The following ANKRD24 variants were observed in gnomAD, a reference collection of about 807,000 sequenced individuals.
The protein encoded by ANKRD24 is ankyrin repeat domain-containing protein 24.
ANKRD24 carries 109 observed loss-of-function variants against 127.8 expected under a neutral mutation model. That is an observed-to-expected ratio of 0.85 (90% CI 0.73 to 1.00). ANKRD24 has a LOEUF of 1.00. Ranked by LOEUF, ANKRD24 falls within the 50% of genes least tolerant of loss-of-function variation. ANKRD24 has a pLI of 0.00. For synonymous variants in ANKRD24, 743 were observed against 671.1 expected (o/e 1.11, Z -1.66); for missense variants, 1,648 against 1,570.2 (o/e 1.05, Z -0.84).
Position 4,224,474 on chromosome 19 carries a change from A to T in ANKRD24, c.3410A>T (p.Gln1137Leu). The change falls in exon 22 of 22, where the codon CAG (glutamine) becomes CTG (leucine). Residue 1137 changes from glutamine to leucine, a missense_variant. By Grantham distance (113) the Gln-to-Leu change is moderately radical. Coordinates refer to ENST00000318934, the MANE Select transcript of ANKRD24 (RefSeq NM_001393985.1). ...CAGCGGATTCTCAGCCAGATTCTGC[A>T]GATGCAGAGACTCCAGGCTCAGGGC... ...DVQRILSQILQMQRLQAQGR is the reference protein window; with the variant it reads ...DVQRILSQILLMQRLQAQGR 4.3e-6 allele frequency: 7 copies of T among 1,612,416 alleles called. No homozygotes were observed. Among genetic ancestry groups the T allele is most frequent in the Non-Finnish European group, 5.9e-6 (7 of 1,179,340 alleles).
chr19:4,215,587 C>T (rs1970011139), intron 15 of ANKRD24, among the ~76,000 whole-genome samples: 1 of 133,114 alleles, frequency 7.5e-6, no homozygotes, highest in Admixed American at 8.3e-5. Context: ...GGCGACGTGA[C>T]GAGACCGCAT....
intron 13 of ANKRD24, among the ~76,000 whole-genome samples, chr19:4,212,075 C>T (rs1052997538): frequency 6.6e-6 from 1 of 152,088 alleles, no homozygotes; most frequent in Non-Finnish European, 1.5e-5. Flanking sequence ...TGGCGGGCGC[C>T]TGTAGTCCCA....
At chr19:4,197,698 CAAAT>C (rs1968828344) in intron 2 of ANKRD24, among the ~76,000 whole-genome samples, 3 of 151,608 alleles carry the variant, frequency 2.0e-5, no homozygotes, top group Admixed American at 6.6e-5. Flanking sequence ...AATGGGTGAA[CAAAT>C]GAATGAGTGA....
rs1240676935 is a variant in ANKRD24 at position 4,217,551 on chromosome 19, C to T, written c.2391C>T (p.Asp797=). The T allele has an allele frequency of 7.6e-6, 10 of 1,321,618 alleles. No individual in the cohort carries two copies. In the South Asian group the frequency reaches 9.9e-5, roughly 13 times the overall value. The allele number at this position is 1,321,618 out of a possible 1,614,324, so 81.9% of individuals were successfully genotyped here. Residue 797 remains aspartate, a synonymous_variant, in exon 18 of 22, where the codon GAC becomes GAT. Transcript: ENST00000318934. ...CGGCCCTGGAGCAGGCCCGGGAGGACCTCCGAGACCGGGACTCCCGCCTGC... is the reference window on the plus strand; with the variant it reads ...CGGCCCTGGAGCAGGCCCGGGAGGATCTCCGAGACCGGGACTCCCGCCTGC... ...LRAALEQARE[D]LRDRDSRLRE... is the part of the protein sequence containing the mutation.
intron 7 of ANKRD24, among the ~76,000 whole-genome samples, chr19:4,203,957 C>CTTTT (rs34885254): frequency 8.3e-4 from 52 of 62,390 alleles, no homozygotes; most frequent in Admixed American, 2.0e-3. Flanking sequence ...GCCCTTCTCC[C>CTTTT]TTTTTTTTTT....
rs1247063032 is a variant in ANKRD24, at chr19:4,198,428, A to G, written c.37-1255A>G. On this transcript the variant is annotated intron_variant, in intron 2 of 21. Transcript: ENST00000318934. This position sits in a 1 kb window ranked among gnomAD's most constrained non-coding sequence, Gnocchi z 6.1. ...TCCGGCCGCTCCCCGCGGTCCCTCC[A>G]GACCCTCTGGCCGCCGCCTCCTCTT... 4 of 589,596 alleles carry G rather than the reference A, an allele frequency of 6.8e-6. No homozygotes were observed. Among genetic ancestry groups the G allele is most frequent in the Non-Finnish European group, 9.1e-6 (3 of 328,700 alleles). The allele number at this position is 589,596 out of a possible 1,614,324, so 36.5% of individuals were successfully genotyped here.
rs1466075261 is a variant in ANKRD24 at position 4,216,975 on chromosome 19, G to A, written c.1815G>A (p.Glu605=). 1.2e-6 allele frequency: 2 copies of A among 1,613,090 alleles called. No individual in the cohort carries two copies. The highest frequency in any genetic ancestry group is 1.3e-5 in the African/African-American group (1 of 74,986). The part of the protein sequence containing the change: ...KVTETKPTGA[E]VREMETTEEE... ...CAGAAACAAAACCCACAGGGGCTGA[G>A]GTCAGAGAAATGGAGACCACAGAAG... Residue 605 remains glutamate (E), a synonymous_variant, in exon 18 of 22, where the codon GAG becomes GAA. Transcript: ENST00000318934.
intron 6 of ANKRD24, 29 bp from the exon 7 acceptor site, chr19:4,202,840 C>T (rs1969167078): frequency 1.3e-6 from 2 of 1,568,936 alleles, no homozygotes; most frequent in East Asian, 2.4e-5. Flanking sequence ...AAGGATGGCT[C>T]CGCCTCAAAG....
At chr19:4,190,526 A>T (rs1379606026) in intron 2 of ANKRD24, among the ~76,000 whole-genome samples, 1 of 151,596 alleles carries the variant, frequency 6.6e-6, no homozygotes, top group Non-Finnish European at 1.5e-5. Flanking sequence ...GGAGTTCGAG[A>T]CCAGCCTGGC....
intron 6 of ANKRD24, among the ~76,000 whole-genome samples, chr19:4,202,502 G>A (rs1429638204): frequency 3.3e-5 from 5 of 151,984 alleles, no homozygotes; most frequent in African/African-American, 9.7e-5. Context: ...CTTGGGAGGC[G>A]GAGGTTGCAG....
chr19:4,217,094 C>CA lies in ANKRD24; in HGVS notation c.1938dup (p.Ala647SerfsTer32). ...GCCATGGGGGTGGAGGCCACAAAAA[C>CA]AAAAGCAGAGGAAGCAGAAATGCAG... On this transcript the variant is annotated frameshift_variant, in exon 18 of 22. Transcript: ENST00000318934. LOFTEE classifies it high-confidence loss of function. 6.2e-7 allele frequency: 1 copy of CA among 1,613,694 alleles called. No individual in the cohort carries two copies. Among genetic ancestry groups the CA allele is most frequent in the East Asian group, 2.2e-5 (1 of 44,874 alleles).
intron 2 of ANKRD24, among the ~76,000 whole-genome samples, chr19:4,193,834 C>CAGGA (rs1968523429): frequency 1.3e-5 from 1 of 78,350 alleles, no homozygotes. Context: ...GAGACTCCGT[C>CAGGA]GGGAGGGAGG....
chr19:4,191,351 G>A (rs997136154), intron 2 of ANKRD24, among the ~76,000 whole-genome samples: 6 of 152,144 alleles, frequency 3.9e-5, no homozygotes, highest in South Asian at 2.1e-4. Flanking sequence ...CTTGTGTTCC[G>A]TGTCTTCTAG....
intron 15 of ANKRD24, among the ~76,000 whole-genome samples, chr19:4,213,841 G>A (rs1274167073): frequency 6.6e-6 from 1 of 151,910 alleles, no homozygotes; most frequent in African/African-American, 2.4e-5. Flanking sequence ...CACCATGTTG[G>A]CCAGGCTGGT....
At chr19:4,200,563 G>A (rs1352016959) in intron 5 of ANKRD24, among the ~76,000 whole-genome samples, 2 of 152,066 alleles carry the variant, frequency 1.3e-5, no homozygotes, top group Non-Finnish European at 2.9e-5. Context: ...CTGTCACCCA[G>A]GCTTGAGTGC....
intron 5 of ANKRD24, 122 bp downstream of exon 5, chr19:4,200,293 C>A: frequency 9.3e-7 from 1 of 1,070,836 alleles, no homozygotes; most frequent in Non-Finnish European, 1.3e-6. Flanking sequence ...GAGGCTCCCT[C>A]TGGTGCTCCT....
intron 7 of ANKRD24, among the ~76,000 whole-genome samples, chr19:4,205,187 G>A (rs892506105): frequency 4.6e-5 from 7 of 152,032 alleles, no homozygotes; most frequent in Non-Finnish European, 8.8e-5. Flanking sequence ...GCATAGAGCC[G>A]AGATCATGCC....
At chr19:4,192,996 T>C (rs1174543835) in intron 2 of ANKRD24, among the ~76,000 whole-genome samples, 1 of 149,692 alleles carries the variant, frequency 6.7e-6, no homozygotes, top group African/African-American at 2.5e-5. Context: ...AAAAGGTATG[T>C]AGTATCTTAG....
rs1969499445 is a variant in ANKRD24, at chr19:4,208,069, G to A, written c.832+101G>A. 3.9e-6 allele frequency: 5 copies of A among 1,271,222 alleles called. No individual in the cohort carries two copies. In the East Asian group the frequency reaches 8.3e-5, roughly 21 times the overall value. The allele number at this position is 1,271,222 out of a possible 1,614,324, so 78.7% of individuals were successfully genotyped here. ...AGTTTCAAGGTACCCCCGATTGGCT[G>A]CATTCTAGGAGGTCCTAGAGCTTAC... On this transcript the variant is annotated intron_variant, in intron 10 of 21. Transcript: ENST00000318934.
Sources: allele counts gnomAD v4.1 joint callset (sites outside exome capture counted in the v4.1 genomes callset), GRCh38; gene constraint gnomAD v4.1.1; non-coding constraint Gnocchi (gnomAD v3.1); transcripts MANE v1.5; gene names NCBI Gene and HGNC (gene_info 2026-07-23, HGNC 2026-07-21).